The following SLC25A27 variants were observed in gnomAD, a reference collection of about 807,000 sequenced individuals.
The protein encoded by SLC25A27 is mitochondrial uncoupling protein 4.
A neutral mutation model predicts 49.1 loss-of-function variants in SLC25A27; 35 were observed. That is an observed-to-expected ratio of 0.71 (90% CI 0.54 to 0.95). The LOEUF is 0.95. SLC25A27 is among the 40% of genes least tolerant of loss of function. SLC25A27 has a pLI of 0.00. For missense variants in SLC25A27, 339 were observed against 397.1 expected (o/e 0.85, Z 1.24); for synonymous variants, 144 against 136.9 (o/e 1.05, Z -0.36).
chr6:46,653,418 G>T (rs1049806830), intron 1 of SLC25A27, 120 bp downstream of exon 1: 2 of 1,436,234 alleles, frequency 1.4e-6, no homozygotes, highest in Non-Finnish European at 1.8e-6. Flanking sequence ...TTCCATGCCC[G>T]CCTGGCAGAG....
Position 46,653,066 on chromosome 6 carries a change from A to T in SLC25A27, c.-127A>T. On this transcript the variant is annotated 5_prime_UTR_variant, in exon 1 of 9. Coordinates refer to ENST00000371347, the MANE Select transcript of SLC25A27 (RefSeq NM_004277.5). Reference sequence around the variant, plus strand: ...CGGGTCCACCCGGCCGAGCCGAACGAGGGAAATGGTCCTCACCCGGCCACT... The same window carrying T: ...CGGGTCCACCCGGCCGAGCCGAACGTGGGAAATGGTCCTCACCCGGCCACT... The T allele has an allele frequency of 2.3e-6, 2 of 860,548 alleles. No homozygotes were observed. Among genetic ancestry groups the T allele is most frequent in the Non-Finnish European group, 1.8e-6 (1 of 545,802 alleles). 53.3% of individuals were successfully genotyped at this position (860,548 alleles called of 1,614,324 possible).
At chr6:46,670,101 A>C (rs765090983) in intron 6 of SLC25A27, 34 bp from the exon 7 acceptor site, 5 of 1,406,474 alleles carry the variant, frequency 3.6e-6, no homozygotes, top group Non-Finnish European at 5.0e-6. Flanking sequence ...ACTACTACAT[A>C]CCATCTTTCA....
chr6:46,676,708 A>G lies in SLC25A27; in HGVS notation c.*254A>G. ...CCCCGCACAGCATTTTCTAAAGAAG[A>G]ATCGAAGCCTGACCACTTTCACCTT... On this transcript the variant is annotated 3_prime_UTR_variant, in exon 9 of 9. Transcript: ENST00000371347. The G allele has an allele frequency of 1.3e-6, 2 of 1,549,042 alleles. No individual in the cohort carries two copies. The highest frequency in any genetic ancestry group is 1.7e-6 in the Non-Finnish European group (2 of 1,145,496).
At chr6:46,676,224 T>A (rs1582523543) in intron 8 of SLC25A27, among the ~76,000 whole-genome samples, 159 bp from the exon 9 acceptor site, 1 of 152,358 alleles carries the variant, frequency 6.6e-6, no homozygotes, top group East Asian at 1.9e-4. Flanking sequence ...AAATGCTTTG[T>A]AAATTATAAA....
chr6:46,656,203 T>C (rs1762973008), intron 2 of SLC25A27, among the ~76,000 whole-genome samples, 169 bp downstream of exon 2: 1 of 151,962 alleles, frequency 6.6e-6, no homozygotes. Flanking sequence ...TTTTTTGAGA[T>C]GGAGTCACAC....
intron 7 of SLC25A27, 105 bp from the exon 8 acceptor site, chr6:46,671,021 C>T (rs756164826): frequency 2.0e-5 from 16 of 782,832 alleles, no homozygotes; most frequent in Admixed American, 1.2e-4. Context: ...TAAGCCACCG[C>T]GCCCGGCCAA....
chr6:46,662,858 G>C (rs1163620478), intron 4 of SLC25A27, among the ~76,000 whole-genome samples: 2 of 152,076 alleles, frequency 1.3e-5, no homozygotes, highest in Non-Finnish European at 2.9e-5. Context: ...AACATTTCTG[G>C]TCTCTTGGGT....
At position 46,668,749 on chromosome 6, in the gene SLC25A27, G is replaced by A; in HGVS notation, c.660G>A (p.Leu220=). The A allele has an allele frequency of 6.2e-7, 1 of 1,610,130 alleles. No individual in the cohort carries two copies. Among genetic ancestry groups the A allele is most frequent in the Non-Finnish European group, 8.5e-7 (1 of 1,176,890 alleles). ...TYDTVKHYLV[L]NTPLEDNIMT... is the part of the protein sequence containing the mutation. ...ATACAGTGAAACACTACTTGGTATT[G>A]AATACACCACTTGAGGACAATATCA... The change falls in exon 6 of 9, where the codon TTG becomes TTA. Residue 220 remains leucine (L), a synonymous_variant. Transcript: ENST00000371347.
intron 5 of SLC25A27, among the ~76,000 whole-genome samples, chr6:46,666,190 C>A (rs1011946819): frequency 1.5e-4 from 23 of 152,168 alleles, no homozygotes; most frequent in African/African-American, 5.1e-4. Flanking sequence ...CTGAACCTGC[C>A]ACAATCCCTT....
intron 2 of SLC25A27, 88 bp from the exon 3 acceptor site, chr6:46,658,874 A>G: frequency 2.2e-6 from 2 of 915,694 alleles, no homozygotes; most frequent in East Asian, 2.4e-5. Context: ...TGACTAGGCC[A>G]TGTCGGAATG....
Position 46,659,782 on chromosome 6 carries a change from G to A in SLC25A27, c.383+736G>A, listed in dbSNP as rs537898425. ...AGGCAGGAGAATCGCTTGAACCCAG[G>A]AGGTGGAGGTTGCAGTGAGCCGAGA... is the stretch of plus-strand genomic sequence containing the variant. On this transcript the variant is annotated intron_variant, in intron 3 of 8. Transcript: ENST00000371347. Among the ~76,000 whole-genome samples the A allele has an allele frequency of 7.7e-4, 117 of 151,974 alleles. 1 individual carries two copies. The highest frequency in any genetic ancestry group is 3.4e-3 in the Middle Eastern group (1 of 294).
intron 4 of SLC25A27, among the ~76,000 whole-genome samples, chr6:46,663,660 A>G (rs1763235654): frequency 6.6e-6 from 1 of 152,142 alleles, no homozygotes; most frequent in African/African-American, 2.4e-5. Context: ...TAATGTTGGA[A>G]ATTTTTGGAT....
At chr6:46,657,053 C>G (rs1029201522) in intron 2 of SLC25A27, among the ~76,000 whole-genome samples, 4 of 152,274 alleles carry the variant, frequency 2.6e-5, no homozygotes, top group Admixed American at 2.6e-4. Context: ...GTAGTCCCCA[C>G]TACTTGGGAG....
chr6:46,654,056 G>A (rs1562032485), intron 1 of SLC25A27: 2 of 943,616 alleles, frequency 2.1e-6, no homozygotes, highest in Non-Finnish European at 2.5e-6. Context: ...GCCTACATGA[G>A]TAAGAAAAAA....
rs1232278550 is a variant in SLC25A27, at chr6:46,678,064, A to G, written c.*1610A>G. Reference sequence around the variant, plus strand: ...TATATATATATATATATATATATATATGCTTAACTTCCCAAGTGTTCTGCA... The same window carrying G: ...TATATATATATATATATATATATATGTGCTTAACTTCCCAAGTGTTCTGCA... On this transcript the variant is annotated 3_prime_UTR_variant, in exon 9 of 9. Coordinates refer to ENST00000371347, the MANE Select transcript of SLC25A27 (RefSeq NM_004277.5). The G allele has an allele frequency of 7.5e-6, 1 of 134,150 alleles. No homozygotes were observed. The highest frequency in any genetic ancestry group is 1.6e-5 in the Non-Finnish European group (1 of 62,008). 8.3% of individuals were successfully genotyped at this position (134,150 alleles called of 1,614,324 possible). A position where few individuals can be genotyped will look rare whatever the true frequency, so the allele number is the denominator to read the frequency against.
chr6:46,672,324 A>G (rs906313807), intron 8 of SLC25A27, among the ~76,000 whole-genome samples: 3 of 152,132 alleles, frequency 2.0e-5, no homozygotes, highest in Non-Finnish European at 2.9e-5. Context: ...GGGTGAGACC[A>G]CAGAGAGGCA....
intron 1 of SLC25A27, among the ~76,000 whole-genome samples, chr6:46,655,254 T>C (rs1172941561): frequency 2.0e-5 from 3 of 152,196 alleles, no homozygotes; most frequent in Non-Finnish European, 4.4e-5. Context: ...ATCTCAAACA[T>C]TATGTCAGTC....
At chr6:46,659,692 A>G (rs1293888605) in intron 3 of SLC25A27, among the ~76,000 whole-genome samples, 2 of 151,848 alleles carry the variant, frequency 1.3e-5, no homozygotes, top group Non-Finnish European at 2.9e-5. Context: ...TGTCTCTACT[A>G]AAAATACAAA....
At chr6:46,669,241 A>G (rs547097709) in intron 6 of SLC25A27, among the ~76,000 whole-genome samples, 1 of 152,336 alleles carries the variant, frequency 6.6e-6, no homozygotes, top group East Asian at 1.9e-4. Flanking sequence ...ACTAGTTACT[A>G]CAGGGTTCAG....
Sources: allele counts gnomAD v4.1 joint callset (sites outside exome capture counted in the v4.1 genomes callset), GRCh38; gene constraint gnomAD v4.1.1; transcripts MANE v1.5; gene names NCBI Gene and HGNC (gene_info 2026-07-23, HGNC 2026-07-21).